ELAVL4: variants seen among roughly 807,000 people sequenced by gnomAD.
The protein encoded by ELAVL4 is ELAV-like protein 4.
Under a neutral mutation model 35.6 loss-of-function variants are expected in ELAVL4, and 1 was observed. The ratio of observed to expected loss-of-function variants is 0.03; its 90% CI spans 0.01 to 0.13. ELAVL4 has a LOEUF of 0.13. Ranked by LOEUF, ELAVL4 falls within the 10% of genes least tolerant of loss-of-function variation. The probability of loss-of-function intolerance (pLI) is 1.00; values close to 1 mark genes in which losing one functional copy is unlikely to be tolerated. For missense variants in ELAVL4, 267 were observed against 464.9 expected (o/e 0.57, Z 3.91); for synonymous variants, 156 against 171.0 (o/e 0.91, Z 0.69).
chr1:50,165,415 GAACT>G (rs1677574501), intron 2 of ELAVL4, among the ~76,000 whole-genome samples: 1 of 148,462 alleles, frequency 6.7e-6, no homozygotes, highest in East Asian at 2.0e-4. Context: ...AGAAGGACAA[GAACT>G]AACAGGAGAT....
At chr1:50,133,641 AAG>A (rs1553174573) in intron 1 of ELAVL4, among the ~76,000 whole-genome samples, 1 of 147,788 alleles carries the variant, frequency 6.8e-6, no homozygotes, top group African/African-American at 2.6e-5. Flanking sequence ...GAAAGAAAGA[AAG>A]AAAGAAAGAG....
intron 2 of ELAVL4, among the ~76,000 whole-genome samples, chr1:50,160,274 CAAA>C (rs1352329068): frequency 6.6e-6 from 1 of 152,140 alleles, no homozygotes; most frequent in Non-Finnish European, 1.5e-5. Flanking sequence ...TTTAGAAAAT[CAAA>C]GAAGATGACG....
At chr1:50,135,886 C>A (rs1050542880) in intron 1 of ELAVL4, among the ~76,000 whole-genome samples, 1 of 152,140 alleles carries the variant, frequency 6.6e-6, no homozygotes, top group East Asian at 1.9e-4. Flanking sequence ...TGTGAGTCAT[C>A]ACCTGTAATT....
intron 1 of ELAVL4, among the ~76,000 whole-genome samples, chr1:50,131,631 T>C (rs938584345): frequency 5.3e-5 from 8 of 151,736 alleles, no homozygotes; most frequent in African/African-American, 1.9e-4. Context: ...CTACTAAAAA[T>C]ACAAAAAAAT....
intron 1 of ELAVL4, among the ~76,000 whole-genome samples, chr1:50,076,165 A>G (rs967803740): frequency 1.3e-5 from 2 of 152,206 alleles, no homozygotes; most frequent in African/African-American, 4.8e-5. Context: ...TACCCCGATC[A>G]TAAATCAAGG....
chr1:50,177,009 C>G, intron 2 of ELAVL4, 80 bp from the exon 3 acceptor site: 3 of 1,194,218 alleles, frequency 2.5e-6, no homozygotes, highest in Non-Finnish European at 3.6e-6. Flanking sequence ...TATAAAGATA[C>G]TGAGCATGCT....
In ELAVL4 at chr1:50,108,989, T is replaced by A; in HGVS notation, c.-201T>A. 7.8e-7 allele frequency: 1 copy of A among 1,275,244 alleles called. No individual in the cohort carries two copies. Among genetic ancestry groups the A allele is most frequent in the South Asian group, 2.2e-5 (1 of 45,620 alleles). 79.0% of individuals were successfully genotyped at this position (1,275,244 alleles called of 1,614,324 possible). A position where few individuals can be genotyped will look rare whatever the true frequency, so the allele number is the denominator to read the frequency against. Reference sequence around the variant, plus strand: ...CCTAGAATCGGGGGTTTCAGCTCACTGCTCCTTTTCTTTTTTTTCTTTCTC... The same window carrying A: ...CCTAGAATCGGGGGTTTCAGCTCACAGCTCCTTTTCTTTTTTTTCTTTCTC... On this transcript the variant is annotated 5_prime_UTR_variant, in exon 1 of 7. Coordinates refer to ENST00000371824, the MANE Select transcript of ELAVL4 (RefSeq NM_001144774.3).
rs575632221 is a variant in ELAVL4 at position 50,193,694 on chromosome 1, G to T, written c.355-71G>T. The T allele has an allele frequency of 2.1e-5, 32 of 1,524,542 alleles. No individual in the cohort carries two copies. The East Asian group carries it at 7.4e-4, about 35-fold the overall frequency. 94.4% of individuals were successfully genotyped at this position (1,524,542 alleles called of 1,614,324 possible). ...ACGGTAGATGAGGGGCTGTCATCTTGGTTGTGGACTCAGCATCTACTCTGA... is the reference window on the plus strand; with the variant it reads ...ACGGTAGATGAGGGGCTGTCATCTTTGTTGTGGACTCAGCATCTACTCTGA... On this transcript the variant is annotated intron_variant, in intron 3 of 6. Coordinates refer to ENST00000371824, the MANE Select transcript of ELAVL4 (RefSeq NM_001144774.3).
At position 50,078,683 on chromosome 1, in the gene ELAVL4, G is replaced by A. The variant is rs528390775; in HGVS notation, c.18+30501G>A. On this transcript the variant is annotated intron_variant, in intron 1 of 6. Transcript: ENST00000448907. ...TCATCTCTAACCCCTTTGAGGATAC[G>A]ATCTCTCACTGATCTGTGGCAGAGG... is the stretch of plus-strand genomic sequence containing the variant. Among the ~76,000 whole-genome samples the A allele has an allele frequency of 6.6e-5, 10 of 152,222 alleles. No individual in the cohort carries two copies. In the South Asian group the frequency reaches 2.1e-3, roughly 32 times the overall value.
chr1:50,074,223 T>C (rs1664662124), intron 1 of ELAVL4, among the ~76,000 whole-genome samples: 1 of 152,204 alleles, frequency 6.6e-6, no homozygotes, highest in Non-Finnish European at 1.5e-5. Context: ...TTTTTTGTCT[T>C]ATCTCTCTGT....
chr1:50,134,991 T>C (rs556765222), intron 1 of ELAVL4, among the ~76,000 whole-genome samples: 5 of 152,290 alleles, frequency 3.3e-5, no homozygotes, highest in African/African-American at 1.2e-4. Context: ...AAAACTTGGA[T>C]TTCCGTGAAT....
upstream of ELAVL4, among the ~76,000 whole-genome samples, chr1:50,108,535 T>C (rs1666559097): frequency 6.6e-6 from 1 of 151,978 alleles, no homozygotes; most frequent in Non-Finnish European, 1.5e-5. Flanking sequence ...TATTCTACGG[T>C]GGAAAAGCCC....
At chr1:50,125,972 A>G (rs535789713) in intron 1 of ELAVL4, among the ~76,000 whole-genome samples, 5 of 152,194 alleles carry the variant, frequency 3.3e-5, no homozygotes, top group African/African-American at 1.2e-4. Flanking sequence ...CCTTCCTCCA[A>G]AGCTTGTTTA....
At position 50,096,469 on chromosome 1, in the gene ELAVL4, T is replaced by C. The variant is rs373246165; in HGVS notation, c.18+48287T>C. Among the ~76,000 whole-genome samples the C allele has an allele frequency of 1.1e-4, 16 of 150,400 alleles. 1 individual carries two copies. The highest frequency in any genetic ancestry group is 3.9e-4 in the African/African-American group (16 of 40,790). On this transcript the variant is annotated intron_variant, in intron 1 of 6. Coordinates refer to the ELAVL4 transcript ENST00000448907. ...ATAGATGGTCATATCTAGAGCTGTG[T>C]ATAGGGAAAGGAATGTCTTGGAGGT... is the stretch of plus-strand genomic sequence containing the variant.
rs1250338534 is a variant in ELAVL4 at position 50,193,844 on chromosome 1, A to T, written c.434A>T (p.Gln145Leu). 1 of 1,614,112 alleles carries T rather than the reference A, an allele frequency of 6.2e-7. No individual in the cohort carries two copies. Among genetic ancestry groups the T allele is most frequent in the East Asian group, 2.2e-5 (1 of 44,872 alleles). ...YVSGLPKTMT[Q>L]KELEQLFSQY... ...AGCGGCCTTCCCAAAACCATGACCC[A>T]GAAGGAACTGGAGCAACTTTTCTCG... The change falls in exon 4 of 7, where the codon CAG becomes CTG. Residue 145 changes from glutamine to leucine, a missense_variant. Gln to Leu is a moderately radical substitution (Grantham distance 113, BLOSUM62 -2). Around this residue, in one of 2 missense-constraint regions of ELAVL4, gnomAD observed 216 missense variants for 409.5 expected, o/e 0.53. Coordinates refer to ENST00000371824, the MANE Select transcript of ELAVL4 (RefSeq NM_001144774.3).
intron 1 of ELAVL4, among the ~76,000 whole-genome samples, chr1:50,095,734 A>G (rs1043929552): frequency 6.6e-6 from 1 of 152,132 alleles, no homozygotes; most frequent in Non-Finnish European, 1.5e-5. Context: ...ATCCAGACCT[A>G]TTGGAGTTCT....
chr1:50,158,752 C>G (rs936865659), intron 2 of ELAVL4, among the ~76,000 whole-genome samples: 1 of 152,116 alleles, frequency 6.6e-6, no homozygotes. Flanking sequence ...TAAAAGTACT[C>G]CATGGCAGCC....
intron 1 of ELAVL4, among the ~76,000 whole-genome samples, chr1:50,086,098 T>G (rs1665228467): frequency 6.6e-6 from 1 of 152,170 alleles, no homozygotes; most frequent in African/African-American, 2.4e-5. Context: ...TGGTAAATAT[T>G]TTTCCAGCTT....
chr1:50,197,678 C>A (rs941541945), intron 6 of ELAVL4: 4 of 458,706 alleles, frequency 8.7e-6, no homozygotes, highest in African/African-American at 8.2e-5. Flanking sequence ...TTCACTTTTT[C>A]TTTTATTTGC....
Sources: allele counts gnomAD v4.1 joint callset (sites outside exome capture counted in the v4.1 genomes callset), GRCh38; gene constraint gnomAD v4.1.1; regional missense constraint gnomAD v4.1.1; transcripts MANE v1.5; gene names NCBI Gene and HGNC (gene_info 2026-07-23, HGNC 2026-07-21).